ARFGEF1: variants seen among roughly 807,000 people sequenced by gnomAD.
ARFGEF1 encodes the protein ARF guanine nucleotide exchange factor 1, also known as brefeldin A-inhibited guanine nucleotide-exchange protein 1.
A neutral mutation model predicts 231.0 loss-of-function variants in ARFGEF1; 42 were observed. The ratio of observed to expected loss-of-function variants is 0.18; its 90% confidence interval spans 0.14 to 0.24. The LOEUF (loss-of-function observed/expected upper bound fraction) is 0.24. Ranked by LOEUF, ARFGEF1 falls within the 10% of genes least tolerant of loss-of-function variation. The pLI is 1.00. For missense variants in ARFGEF1, 1,345 were observed against 2,192.0 expected, an observed-to-expected ratio of 0.61 and a Z score of 7.72; for synonymous variants, 710 against 732.3, an observed-to-expected ratio of 0.97 and a Z score of 0.49.
downstream of ARFGEF1, chr8:67,193,647 C>G: frequency 6.5e-7 from 1 of 1,540,750 alleles, no homozygotes; most frequent in South Asian, 1.2e-5. Flanking sequence ...CCTGTATGAA[C>G]TTTTAAACTT....
At chr8:67,280,296 G>T (rs1348370004) in intron 7 of ARFGEF1, among the ~76,000 whole-genome samples, 3 of 152,178 alleles carry the variant, frequency 2.0e-5, no homozygotes, top group African/African-American at 7.2e-5. Context: ...GCTGACCACA[G>T]CCATGATCAT....
intron 5 of ARFGEF1, chr8:67,177,807 A>G: frequency 1.0e-6 from 1 of 960,812 alleles, no homozygotes; most frequent in Non-Finnish European, 1.7e-6. Context: ...AGTAATTCAA[A>G]TTTTGAATTA....
chr8:67,236,347 G>GT (rs1384379598), intron 22 of ARFGEF1, among the ~76,000 whole-genome samples: 35 of 10,562 alleles, frequency 3.3e-3, no homozygotes, highest in African/African-American at 0.011. Context: ...AAAGATATTA[G>GT]TTAAAAAAAA....
chr8:67,293,637 A>G (rs1316936512), intron 5 of ARFGEF1, among the ~76,000 whole-genome samples: 1 of 152,178 alleles, frequency 6.6e-6, no homozygotes, highest in African/African-American at 2.4e-5. Context: ...CTGCTCAATG[A>G]TAAGAGCAAA....
At position 67,183,843 on chromosome 8, in the gene ARFGEF1, ATTTTTTTTTTTT is replaced by A. The variant is rs918103972; in HGVS notation, c.561-8283_561-8272del. Among the ~76,000 whole-genome samples, 157 of 108,212 alleles carry A rather than the reference ATTTTTTTTTTTT, an allele frequency of 1.5e-3. 2 individuals are homozygous for A. Among genetic ancestry groups the A allele is most frequent in the South Asian group, 3.1e-3 (10 of 3,268 alleles). 71.0% of individuals were successfully genotyped at this position (108,212 alleles called of 152,430 possible). A position where few individuals can be genotyped will look rare whatever the true frequency, so the allele number is the denominator to read the frequency against. On this transcript the variant is annotated intron_variant, in intron 5 of 5. Coordinates refer to the ARFGEF1 transcript ENST00000518789. ...AGCCAGACTATGTAAAAAATTGGGAATTTTTTTTTTTTTTTTTTTTTTTTTTTTAGACAAAGT... is the reference window on the plus strand; with the variant it reads ...AGCCAGACTATGTAAAAAATTGGGAATTTTTTTTTTTTTTTTAGACAAAGT...
At chr8:67,291,786 ACT>A in intron 6 of ARFGEF1, 59 bp downstream of exon 6, 2 of 1,543,002 alleles carry the variant, frequency 1.3e-6, no homozygotes, top group Non-Finnish European at 1.8e-6. Context: ...CTTCATCAAA[ACT>A]CTCATTCCTA....
intron 7 of ARFGEF1, 85 bp downstream of exon 7, chr8:67,287,870 C>T: frequency 1.1e-6 from 1 of 941,260 alleles, no homozygotes; most frequent in Non-Finnish European, 1.5e-6. Flanking sequence ...TAATTTTGCC[C>T]TTTCTATTCC....
chr8:67,220,269 T>C (rs933702683), intron 29 of ARFGEF1, among the ~76,000 whole-genome samples: 3 of 152,264 alleles, frequency 2.0e-5, no homozygotes, highest in Non-Finnish European at 4.4e-5. Context: ...TATGTAACCA[T>C]TAGACACTTT....
intron 5 of ARFGEF1, among the ~76,000 whole-genome samples, chr8:67,192,496 T>C (rs1281711855): frequency 3.9e-5 from 6 of 152,244 alleles, no homozygotes; most frequent in Non-Finnish European, 2.9e-5. Flanking sequence ...CTGTATCTTT[T>C]TAACTTTCTT....
chr8:67,309,326 T>C (rs1319272607), intron 1 of ARFGEF1, among the ~76,000 whole-genome samples: 1 of 152,212 alleles, frequency 6.6e-6, no homozygotes, highest in Non-Finnish European at 1.5e-5. Flanking sequence ...ACCAGAAGAA[T>C]AAGCTTTAGT....
At chr8:67,336,205 T>A (rs1325072687) in intron 1 of ARFGEF1, among the ~76,000 whole-genome samples, 1 of 152,240 alleles carries the variant, frequency 6.6e-6, no homozygotes, top group Non-Finnish European at 1.5e-5. Flanking sequence ...CCAGACCTTT[T>A]AAGAAGCTTT....
At chr8:67,270,553 A>T (rs573368443) in intron 10 of ARFGEF1, among the ~76,000 whole-genome samples, 2 of 152,268 alleles carry the variant, frequency 1.3e-5, no homozygotes, top group South Asian at 4.1e-4. Context: ...AAAACTGACA[A>T]CATAAAAATG....
At chr8:67,210,039 C>G (rs935156638) in intron 34 of ARFGEF1, among the ~76,000 whole-genome samples, 1 of 151,174 alleles carries the variant, frequency 6.6e-6, no homozygotes, top group African/African-American at 2.4e-5. Flanking sequence ...CCTGTAGTCC[C>G]AGCTACTCGG....
intron 5 of ARFGEF1, among the ~76,000 whole-genome samples, chr8:67,178,507 C>CA (rs998872667): frequency 1.3e-5 from 2 of 152,124 alleles, no homozygotes; most frequent in African/African-American, 4.8e-5. Flanking sequence ...AGACAGTAAT[C>CA]AAATAAATCA....
chr8:67,202,996 C>G, intron 36 of ARFGEF1, 87 bp downstream of exon 36: 1 of 1,368,310 alleles, frequency 7.3e-7, no homozygotes, highest in Non-Finnish European at 1.0e-6. Flanking sequence ...AGACCTATAG[C>G]AGACAGTCAA....
chr8:67,198,313 A>T lies in ARFGEF1; in HGVS notation c.*621T>A. ...GTGCATTTGACAAAATATTATGGGTATTTAGCAAATGAATAAGAAAATAAA... is the reference window on the plus strand; with the variant it reads ...GTGCATTTGACAAAATATTATGGGTTTTTAGCAAATGAATAAGAAAATAAA... On this transcript the variant is annotated 3_prime_UTR_variant, in exon 39 of 39. Transcript: ENST00000262215. 1.0e-6 allele frequency: 1 copy of T among 983,900 alleles called. No homozygotes were observed. The allele number at this position is 983,900 out of a possible 1,614,324, so 60.9% of individuals were successfully genotyped here.
chr8:67,332,961 A>C (rs1808167839), intron 1 of ARFGEF1, among the ~76,000 whole-genome samples: 1 of 152,184 alleles, frequency 6.6e-6, no homozygotes, highest in Non-Finnish European at 1.5e-5. Flanking sequence ...TTTAATTGGC[A>C]CGGAAACTGG....
Position 67,287,955 on chromosome 8 carries a change from C to T in ARFGEF1, c.1027G>A (p.Asp343Asn). 6.3e-7 allele frequency: 1 copy of T among 1,575,458 alleles called. No individual in the cohort carries two copies. The highest frequency in any genetic ancestry group is 8.6e-7 in the Non-Finnish European group (1 of 1,164,310). The change falls in exon 7 of 39, where the codon GAT (aspartate) becomes AAT (asparagine). Residue 343 changes from aspartate to asparagine, a missense_variant and splice_region_variant. Physicochemically the swap from Asp to Asn is conservative, Grantham distance 23. This residue lies in a region of ARFGEF1 where 398 missense variants were observed against 463.2 expected (regional missense o/e 0.86). Coordinates refer to ENST00000262215, the MANE Select transcript of ARFGEF1 (RefSeq NM_006421.5). ...VEEMVNIVVG[D>N]MGEGTTINAS... ...AATAATTTTGAATGAAGTATACTAC[C>T]TCCAACAACAATGTTCACCATTTCT...
chr8:67,278,303 A>G (rs1805394762), intron 7 of ARFGEF1, among the ~76,000 whole-genome samples: 2 of 152,146 alleles, frequency 1.3e-5, no homozygotes, highest in Admixed American at 6.5e-5. Context: ...ATTATTTCAT[A>G]TTTCTTTGCC....
Sources: allele counts gnomAD v4.1 joint callset (sites outside exome capture counted in the v4.1 genomes callset), GRCh38; gene constraint gnomAD v4.1.1; regional missense constraint gnomAD v4.1.1; transcripts MANE v1.5; gene names NCBI Gene and HGNC (gene_info 2026-07-23, HGNC 2026-07-21).